The following BTBD9 variants were observed in gnomAD, a reference collection of about 807,000 sequenced individuals.
BTBD9 encodes BTB/POZ domain-containing protein 9.
In BTBD9, 49 loss-of-function variants were observed where a neutral mutation model predicts 64.3. The ratio of observed to expected loss-of-function variants is 0.76; its 90% confidence interval spans 0.61 to 0.97. The LOEUF (loss-of-function observed/expected upper bound fraction) is 0.97. BTBD9 is among the 50% of genes least tolerant of loss of function. The pLI, the probability that BTBD9 is intolerant of heterozygous loss-of-function variation, is 0.00. For synonymous variants in BTBD9, 260 were observed against 274.7 expected (o/e 0.95, Z 0.53); for missense variants, 598 against 762.1 (o/e 0.78, Z 2.53).
At chr6:38,192,740 G>A in intron 9 of BTBD9, 143 bp from the exon 10 acceptor site, 1 of 692,454 alleles carries the variant, frequency 1.4e-6, no homozygotes. Context: ...CAGCTGGGCT[G>A]CACCTAACGT....
Position 38,506,031 on chromosome 6 carries a change from A to T in BTBD9, c.1154+71569T>A, listed in dbSNP as rs536994907. ...CCACACAGCTCCAAATTGTGCTGCA[A>T]CTCTGGGTCCCTCTCATTTTTCCTG... is the stretch of plus-strand genomic sequence containing the variant. On this transcript the variant is annotated intron_variant, in intron 6 of 10. Transcript: ENST00000481247. Among the ~76,000 whole-genome samples the T allele has an allele frequency of 9.9e-4, 146 of 147,428 alleles. No homozygotes were observed. The Middle Eastern group carries it at 0.015, about 15-fold the overall frequency.
rs1410577539 is a variant in BTBD9, at chr6:38,171,749, T to C, written c.*3236A>G. Reference sequence around the variant, plus strand: ...AGCACACACCCTACCTGCCCTACACTCTCAGTCCACCCCAAATGACCCTCC... The same window carrying C: ...AGCACACACCCTACCTGCCCTACACCCTCAGTCCACCCCAAATGACCCTCC... On this transcript the variant is annotated 3_prime_UTR_variant, in exon 11 of 11. Transcript: ENST00000481247. 2 of 147,674 alleles carry C rather than the reference T, an allele frequency of 1.4e-5. No individual in the cohort carries two copies. Among genetic ancestry groups the C allele is most frequent in the African/African-American group, 5.0e-5 (2 of 39,612 alleles). 9.1% of individuals were successfully genotyped at this position (147,674 alleles called of 1,614,324 possible).
intron 6 of BTBD9, among the ~76,000 whole-genome samples, chr6:38,409,603 T>A (rs1317361065): frequency 2.0e-5 from 3 of 152,004 alleles, no homozygotes; most frequent in African/African-American, 7.2e-5. Flanking sequence ...GGTGGGCAGA[T>A]CACCAGGTCA....
rs188252803 is a variant in BTBD9, at chr6:38,433,738, C to T, written c.1155-88645G>A. 6.3e-4 allele frequency among the ~76,000 whole-genome samples: 96 copies of T among 152,078 alleles called. 1 individual carries two copies. Among genetic ancestry groups the T allele is most frequent in the Non-Finnish European group, 1.3e-3 (88 of 68,026 alleles). On this transcript the variant is annotated intron_variant, in intron 6 of 10. Transcript: ENST00000481247. ...TTCACATGGACACATGTGACATCTA[C>T]CATGTTTTATTTTCTTCTAGCATTC...
intron 4 of BTBD9, among the ~76,000 whole-genome samples, chr6:38,583,521 T>A (rs1033056364): frequency 3.3e-5 from 5 of 152,016 alleles, no homozygotes; most frequent in Non-Finnish European, 7.4e-5. Flanking sequence ...ATAAAAAAAC[T>A]AGGCCAAAGA....
At chr6:38,467,600 G>A (rs1313210614) in intron 6 of BTBD9, among the ~76,000 whole-genome samples, 3 of 152,148 alleles carry the variant, frequency 2.0e-5, no homozygotes, top group Non-Finnish European at 2.9e-5. Flanking sequence ...GGTGATCTAC[G>A]CCATGCACCA....
At chr6:38,522,269 GAAAAAACA>G (rs1298458558) in intron 6 of BTBD9, among the ~76,000 whole-genome samples, 1 of 151,380 alleles carries the variant, frequency 6.6e-6, no homozygotes, top group Non-Finnish European at 1.5e-5. Flanking sequence ...CATTTTTTGA[GAAAAAACA>G]AAAAAACAAA....
chr6:38,201,233 A>G (rs1762451711), intron 9 of BTBD9, among the ~76,000 whole-genome samples: 1 of 152,224 alleles, frequency 6.6e-6, no homozygotes, highest in African/African-American at 2.4e-5. Context: ...AGCATCAAAA[A>G]GATAATACAC....
Position 38,441,024 on chromosome 6 carries a change from G to C in BTBD9, c.1155-95931C>G, listed in dbSNP as rs536660545. Among the ~76,000 whole-genome samples, 137 of 152,330 alleles carry C rather than the reference G, an allele frequency of 9.0e-4. 2 individuals are homozygous for C. In the South Asian group the frequency reaches 0.015, roughly 17 times the overall value. ...AAACACCCTGTGGAGAAGTGGAGAA[G>C]CTGGGTGACTGCCTATGAAGGCAAT... On this transcript the variant is annotated intron_variant, in intron 6 of 10. Coordinates refer to ENST00000481247, the MANE Select transcript of BTBD9 (RefSeq NM_001099272.2).
intron 4 of BTBD9, among the ~76,000 whole-genome samples, chr6:38,590,942 T>C (rs75989151): frequency 3.6e-3 from 545 of 152,300 alleles, no homozygotes; most frequent in Non-Finnish European, 5.7e-3. Flanking sequence ...GTTCTAATCA[T>C]CCATTATTTT....
chr6:38,451,497 C>T (rs1415408993), intron 6 of BTBD9, among the ~76,000 whole-genome samples: 1 of 152,106 alleles, frequency 6.6e-6, no homozygotes, highest in African/African-American at 2.4e-5. Context: ...TCAGACAGTA[C>T]CCATTGTTAC....
At chr6:38,180,847 T>C (rs957725783) in intron 10 of BTBD9, among the ~76,000 whole-genome samples, 1 of 152,238 alleles carries the variant, frequency 6.6e-6, no homozygotes, top group African/African-American at 2.4e-5. Flanking sequence ...GCCGGCTAAT[T>C]TGGAATGTGG....
chr6:38,319,320 C>A (rs1388737123), intron 7 of BTBD9, among the ~76,000 whole-genome samples: 3 of 152,128 alleles, frequency 2.0e-5, no homozygotes, highest in Admixed American at 1.3e-4. Context: ...ATAATAATCC[C>A]TTTATTATTC....
intron 9 of BTBD9, among the ~76,000 whole-genome samples, chr6:38,207,999 T>TA: frequency 6.6e-6 from 1 of 151,888 alleles, no homozygotes; most frequent in Non-Finnish European, 1.5e-5. Flanking sequence ...TAATTACAAT[T>TA]AAAAAAAGCA....
rs150506523 is a variant in BTBD9 at position 38,298,740 on chromosome 6, A to G, written c.1265-10279T>C. 5.4e-3 allele frequency among the ~76,000 whole-genome samples: 816 copies of G among 152,144 alleles called. 6 individuals carry two copies. The highest frequency in any genetic ancestry group is 0.018 in the African/African-American group (760 of 41,518). ...CTACCTCCATGAGATCAACTTTTTA[A>G]GCTCCCAATTATGAGTAACAACATA... is the stretch of plus-strand genomic sequence containing the variant. On this transcript the variant is annotated intron_variant, in intron 7 of 10. Transcript: ENST00000481247.
chr6:38,495,105 G>A (rs564648265), intron 6 of BTBD9, among the ~76,000 whole-genome samples: 5 of 152,240 alleles, frequency 3.3e-5, no homozygotes, highest in South Asian at 2.1e-4. Context: ...ACCTTTCACC[G>A]AAACCGACAA....
chr6:38,510,891 C>G (rs1165005478), intron 6 of BTBD9, among the ~76,000 whole-genome samples: 1 of 152,158 alleles, frequency 6.6e-6, no homozygotes, highest in African/African-American at 2.4e-5. Flanking sequence ...TTCCGAAATA[C>G]CTCCTGAAGG....
At chr6:38,636,946 C>T (rs1412149023) in intron 1 of BTBD9, among the ~76,000 whole-genome samples, 1 of 152,166 alleles carries the variant, frequency 6.6e-6, no homozygotes, top group Non-Finnish European at 1.5e-5. Flanking sequence ...CTCTTGCCCA[C>T]AAGAAACAAC....
intron 9 of BTBD9, among the ~76,000 whole-genome samples, chr6:38,208,438 TGA>T (rs1230823147): frequency 6.6e-6 from 1 of 151,530 alleles, no homozygotes; most frequent in Non-Finnish European, 1.5e-5. Context: ...ACTGGGGATA[TGA>T]GAGAGAGAGC....
Sources: gnomAD v4.1 joint callset for allele counts (sites outside exome capture counted in the v4.1 genomes callset) on GRCh38, gnomAD v4.1.1 for gene constraint, MANE v1.5 for transcripts, NCBI Gene and HGNC (gene_info 2026-07-23, HGNC 2026-07-21) for gene names.